The following STAU2 variants were observed in gnomAD, a reference collection of about 807,000 sequenced individuals.
STAU2 encodes double-stranded RNA-binding protein Staufen homolog 2.
STAU2 carries 20 observed loss-of-function variants against 65.9 expected under a neutral mutation model. That is an observed-to-expected ratio of 0.30 (90% confidence interval 0.21 to 0.44). The LOEUF (loss-of-function observed/expected upper bound fraction) is 0.44, where lower values mean the gene tolerates loss of function less well. Ranked by LOEUF, STAU2 falls within the 20% of genes least tolerant of loss-of-function variation. The pLI, the probability that STAU2 is intolerant of heterozygous loss-of-function variation, is 1.00. For synonymous variants in STAU2, 232 were observed against 233.9 expected (o/e 0.99, Z 0.07); for missense variants, 558 against 683.9 (o/e 0.82, Z 2.05).
chr8:73,738,116 A>G (rs1231025185), intron 3 of STAU2, among the ~76,000 whole-genome samples, 168 bp downstream of exon 3: 1 of 152,186 alleles, frequency 6.6e-6, no homozygotes, highest in Non-Finnish European at 1.5e-5. Flanking sequence ...TCTAATCCTT[A>G]AACAACCTGC....
intron 10 of STAU2, among the ~76,000 whole-genome samples, chr8:73,602,792 T>C (rs1339336820): frequency 6.6e-6 from 1 of 151,098 alleles, no homozygotes; most frequent in East Asian, 1.9e-4. Flanking sequence ...AAATATAGAC[T>C]GGGTATTAGA....
At chr8:73,466,016 A>C (rs1563608589) in intron 13 of STAU2, among the ~76,000 whole-genome samples, 1 of 152,168 alleles carries the variant, frequency 6.6e-6, no homozygotes, top group Non-Finnish European at 1.5e-5. Context: ...GGGTTTCGCC[A>C]TGTTGGCTCA....
At chr8:73,517,441 T>TAAATAAAA (rs1479083520) in intron 13 of STAU2, among the ~76,000 whole-genome samples, 2 of 151,356 alleles carry the variant, frequency 1.3e-5, no homozygotes, top group Non-Finnish European at 2.9e-5. Context: ...TAAAAATAAA[T>TAAATAAAA]AAATAAAGGA....
intron 13 of STAU2, among the ~76,000 whole-genome samples, chr8:73,464,615 C>T (rs894048528): frequency 6.6e-6 from 1 of 152,168 alleles, no homozygotes; most frequent in African/African-American, 2.4e-5. Context: ...CACACACACA[C>T]ACACACACAC....
chr8:73,600,840 C>A (rs1811584119), intron 10 of STAU2, among the ~76,000 whole-genome samples: 1 of 152,200 alleles, frequency 6.6e-6, no homozygotes, highest in South Asian at 2.1e-4. Context: ...CCAGCCCTTG[C>A]CTCATGCAAA....
intron 13 of STAU2, among the ~76,000 whole-genome samples, chr8:73,544,747 T>C (rs1031377438): frequency 1.3e-5 from 2 of 152,232 alleles, no homozygotes; most frequent in Middle Eastern, 3.2e-3. Context: ...ACTTACTATG[T>C]CATTTATTAT....
chr8:73,664,787 T>A (rs1455024276), intron 6 of STAU2, among the ~76,000 whole-genome samples: 1 of 152,088 alleles, frequency 6.6e-6, no homozygotes, highest in African/African-American at 2.4e-5. Context: ...GGTCTGCAGA[T>A]CAAGACCAGC....
chr8:73,618,270 G>A (rs528661062), intron 6 of STAU2, among the ~76,000 whole-genome samples: 4 of 152,168 alleles, frequency 2.6e-5, no homozygotes, highest in Non-Finnish European at 5.9e-5. Context: ...AAAGTAAAGA[G>A]GAAAGGGTTC....
chr8:73,515,228 C>G (rs551525787), intron 13 of STAU2, among the ~76,000 whole-genome samples: 1 of 152,274 alleles, frequency 6.6e-6, no homozygotes, highest in South Asian at 2.1e-4. Context: ...ATGGGGAAGT[C>G]CCAGAGGTCC....
At chr8:73,608,002 T>G (rs1023877865) in intron 9 of STAU2, among the ~76,000 whole-genome samples, 10 of 152,130 alleles carry the variant, frequency 6.6e-5, no homozygotes, top group African/African-American at 2.2e-4. Flanking sequence ...TTGCTGCCAT[T>G]TCATCTTGAC....
At chr8:73,511,925 T>A (rs907223184) in intron 13 of STAU2, among the ~76,000 whole-genome samples, 29 of 152,204 alleles carry the variant, frequency 1.9e-4, no homozygotes, top group African/African-American at 6.8e-4. Context: ...TTGAGTGAAT[T>A]TTTGCATATG....
At chr8:73,549,441 T>G (rs1295677059) in intron 13 of STAU2, among the ~76,000 whole-genome samples, 2 of 152,170 alleles carry the variant, frequency 1.3e-5, no homozygotes, top group Non-Finnish European at 2.9e-5. Context: ...TTAAGTCAGT[T>G]TTATTAATAA....
rs754464670 is a variant in STAU2 at position 73,505,485 on chromosome 8, G to C, written c.1530+46527C>G. Among the ~76,000 whole-genome samples, 4 of 152,040 alleles carry C rather than the reference G, an allele frequency of 2.6e-5. No individual in the cohort carries two copies. In the South Asian group the frequency reaches 8.3e-4, roughly 32 times the overall value. ...TACCACAGCTCAAGTCCTGAGGCTT[G>C]AGTCCAAGAGGACCCCCTGAGACAT... On this transcript the variant is annotated intron_variant, in intron 13 of 14. Coordinates refer to ENST00000524300, the MANE Select transcript of STAU2 (RefSeq NM_001164380.2).
intron 10 of STAU2, 56 bp from the exon 11 acceptor site, chr8:73,595,353 G>C: frequency 6.7e-7 from 1 of 1,482,386 alleles, no homozygotes; most frequent in East Asian, 2.4e-5. Context: ...ATTTAAACAG[G>C]AAGTCCTTAC....
In STAU2 at chr8:73,617,354, T is replaced by G. The variant is rs1259134159; in HGVS notation, c.508A>C (p.Asn170His). 1 of 1,614,150 alleles carries G rather than the reference T, an allele frequency of 6.2e-7. No individual in the cohort carries two copies. The highest frequency in any genetic ancestry group is 2.2e-5 in the East Asian group (1 of 44,884). ...EGKTRQAARH[N>H]AAMKALQALQ... ...GCTTGGAGGGCTTTCATTGCAGCAT[T>G]GTGTCTAGCAGCTTGTCGAGTCTTT... Residue 170 changes from asparagine (N) to histidine (H), a missense_variant, in exon 7 of 15, where the codon AAT (asparagine) becomes CAT (histidine). Transcript: ENST00000524300.
At position 73,647,044 on chromosome 8, in the gene STAU2, C is replaced by T. The variant is rs1485198869; in HGVS notation, c.410+26063G>A. Among the ~76,000 whole-genome samples the T allele has an allele frequency of 2.0e-5, 3 of 151,366 alleles. No individual in the cohort carries two copies. The East Asian group carries it at 5.8e-4, about 30-fold the overall frequency. ...AAAGCCATAATGATATATAACTACA[C>T]ATCAGAATGACCAAAATAAAAATAG... is the stretch of plus-strand genomic sequence containing the variant. On this transcript the variant is annotated intron_variant, in intron 6 of 14. Coordinates refer to ENST00000524300, the MANE Select transcript of STAU2 (RefSeq NM_001164380.2).
intron 13 of STAU2, among the ~76,000 whole-genome samples, chr8:73,448,316 C>T (rs1010137336): frequency 4.6e-5 from 7 of 151,572 alleles, no homozygotes; most frequent in African/African-American, 1.7e-4. Context: ...TTTGGAGTCT[C>T]GCTCTGTCCC....
rs572411612 is a variant in STAU2, at chr8:73,467,258, C to T, written c.1531-44556G>A. Reference sequence around the variant, plus strand: ...AATTGATTAGTTCTTCTCGGCCGGGCGCAGTGGCTCACGCCTGTAATCCCA... The same window carrying T: ...AATTGATTAGTTCTTCTCGGCCGGGTGCAGTGGCTCACGCCTGTAATCCCA... On this transcript the variant is annotated intron_variant, in intron 13 of 14. Coordinates refer to ENST00000524300, the MANE Select transcript of STAU2 (RefSeq NM_001164380.2). 2.3e-4 allele frequency among the ~76,000 whole-genome samples: 35 copies of T among 152,288 alleles called. No homozygotes were observed. In the East Asian group the frequency reaches 5.6e-3, roughly 24 times the overall value.
At chr8:73,548,548 A>C (rs114845353) in intron 13 of STAU2, among the ~76,000 whole-genome samples, 26 of 152,356 alleles carry the variant, frequency 1.7e-4, no homozygotes, top group African/African-American at 6.3e-4. Flanking sequence ...AGCGTGAATT[A>C]TATTTGAAAA....
Sources: allele counts gnomAD v4.1 joint callset (sites outside exome capture counted in the v4.1 genomes callset), GRCh38; gene constraint gnomAD v4.1.1; transcripts MANE v1.5; gene names NCBI Gene and HGNC (gene_info 2026-07-23, HGNC 2026-07-21).